The following IQSEC1 variants were observed in gnomAD, a reference collection of about 807,000 sequenced individuals.
The protein encoded by IQSEC1 is IQ motif and SEC7 domain-containing protein 1.
Under a neutral mutation model 91.0 loss-of-function variants are expected in IQSEC1, and 31 were observed. The observed-to-expected ratio is 0.34, with a 90% CI of 0.26 to 0.46. The LOEUF (loss-of-function observed/expected upper bound fraction) is 0.46. IQSEC1 is among the 20% of genes least tolerant of loss of function. IQSEC1 has a pLI of 1.00. For missense variants in IQSEC1, 1,388 were observed against 1,575.6 expected (o/e 0.88, Z 2.02); for synonymous variants, 699 against 662.6 (o/e 1.05, Z -0.84).
intron 2 of IQSEC1, among the ~76,000 whole-genome samples, chr3:13,119,232 A>G (rs1033983735): frequency 2.0e-5 from 3 of 152,334 alleles, no homozygotes. Context: ...AAGAATTTAA[A>G]AAGCATATGC....
chr3:12,934,953 C>T (rs192771509), intron 3 of IQSEC1, among the ~76,000 whole-genome samples: 226 of 151,834 alleles, frequency 1.5e-3, no homozygotes, highest in African/African-American at 5.0e-3. Flanking sequence ...CTGAGCACTC[C>T]TACCCCCAGA....
intron 1 of IQSEC1, among the ~76,000 whole-genome samples, chr3:13,212,904 T>C (rs1694473493): frequency 6.6e-6 from 1 of 152,250 alleles, no homozygotes; most frequent in Non-Finnish European, 1.5e-5. Flanking sequence ...AGTTGAGTTG[T>C]CTTTTTGTTA....
At chr3:13,125,215 C>T (rs1475933649) in intron 2 of IQSEC1, among the ~76,000 whole-genome samples, 2 of 152,218 alleles carry the variant, frequency 1.3e-5, no homozygotes, top group African/African-American at 4.8e-5. Flanking sequence ...GGGGCCTTTG[C>T]TCCTGCTAGT....
In IQSEC1 at chr3:12,989,004, G is replaced by A. The variant is rs564584635; in HGVS notation, c.24-47139C>T. Among the ~76,000 whole-genome samples the A allele has an allele frequency of 3.9e-5, 6 of 152,294 alleles. No individual in the cohort carries two copies. The South Asian group carries it at 1.2e-3, about 32-fold the overall frequency. ...TGCAAAGCAAGTTAGAAGCCAGCAG[G>A]GCCAAGACTAGAATCTAGGTTAGGC... On this transcript the variant is annotated intron_variant, in intron 1 of 13. Coordinates refer to ENST00000613206, the MANE Select transcript of IQSEC1 (RefSeq NM_001134382.3).
At chr3:12,907,065 T>C (rs967990937) in intron 12 of IQSEC1, among the ~76,000 whole-genome samples, 11 of 152,276 alleles carry the variant, frequency 7.2e-5, no homozygotes, top group African/African-American at 2.6e-4. Context: ...AGGCCAGGAA[T>C]GCGAGTAAAC....
At chr3:13,143,102 C>T (rs886467621) in intron 2 of IQSEC1, among the ~76,000 whole-genome samples, 2 of 152,230 alleles carry the variant, frequency 1.3e-5, no homozygotes, top group Admixed American at 6.5e-5. Flanking sequence ...AATTGGTCTT[C>T]GATGTGTCTG....
intron 9 of IQSEC1, 36 bp downstream of exon 9, chr3:12,913,392 G>A (rs1695753221): frequency 6.4e-7 from 1 of 1,558,618 alleles, no homozygotes; most frequent in South Asian, 1.1e-5. Flanking sequence ...CAGGCTTGAG[G>A]TCCCTGCTAC....
chr3:13,065,997 T>C (rs1208829035), intron 1 of IQSEC1, among the ~76,000 whole-genome samples: 1 of 152,142 alleles, frequency 6.6e-6, no homozygotes, highest in Non-Finnish European at 1.5e-5. Context: ...ACAAATGCTG[T>C]CTGATTCCAC....
chr3:12,927,267 A>G (rs1158681845), intron 3 of IQSEC1, among the ~76,000 whole-genome samples: 1 of 152,220 alleles, frequency 6.6e-6, no homozygotes, highest in Admixed American at 6.5e-5. Flanking sequence ...TGCACAAAAA[A>G]TCTGGATTTC....
chr3:13,235,004 C>A (rs1314491603), intron 1 of IQSEC1, among the ~76,000 whole-genome samples: 1 of 152,150 alleles, frequency 6.6e-6, no homozygotes, highest in African/African-American at 2.4e-5. Context: ...ATGTGTGGAG[C>A]CGGGGCATGG....
rs532180992 is a variant in IQSEC1 at position 13,018,728 on chromosome 3, CG to C, written c.23+54263del. 2.2e-4 allele frequency among the ~76,000 whole-genome samples: 33 copies of C among 152,276 alleles called. No individual in the cohort carries two copies. The South Asian group carries it at 5.4e-3, about 25-fold the overall frequency. On this transcript the variant is annotated intron_variant, in intron 1 of 13. Coordinates refer to ENST00000613206, the MANE Select transcript of IQSEC1 (RefSeq NM_001134382.3). ...TGTATCCCCACACGCATCTCACAGGCGGGGAAACAGGGGCTCAGGGAGGCTG... is the reference window on the plus strand; with the variant it reads ...TGTATCCCCACACGCATCTCACAGGCGGGAAACAGGGGCTCAGGGAGGCTG...
chr3:13,163,736 G>GC (rs1693398938), intron 2 of IQSEC1, among the ~76,000 whole-genome samples: 1 of 142,888 alleles, frequency 7.0e-6, no homozygotes, highest in African/African-American at 2.5e-5. Context: ...CCCTGACCCC[G>GC]CCCAGCCCAG....
Position 12,899,518 on chromosome 3 carries a change from A to G in IQSEC1, c.*1465T>C. On this transcript the variant is annotated 3_prime_UTR_variant, in exon 14 of 14. Coordinates refer to ENST00000613206, the MANE Select transcript of IQSEC1 (RefSeq NM_001134382.3). ...CTGGGGAGCGCATGGTGTCACCACA[A>G]CACAGAAGCGACAAGAGCACAGCTG... The G allele has an allele frequency of 6.5e-7, 1 of 1,544,178 alleles. No individual in the cohort carries two copies. The highest frequency in any genetic ancestry group is 8.8e-7 in the Non-Finnish European group (1 of 1,139,474).
intron 1 of IQSEC1, among the ~76,000 whole-genome samples, chr3:13,266,185 T>C (rs370364734): frequency 5.9e-5 from 9 of 152,134 alleles, no homozygotes; most frequent in Non-Finnish European, 1.2e-4. Flanking sequence ...GGAGCCAGTA[T>C]CCAAACCCAG....
chr3:13,097,969 C>A (rs754272907), intron 2 of IQSEC1, among the ~76,000 whole-genome samples: 111 of 152,346 alleles, frequency 7.3e-4, no homozygotes, highest in Non-Finnish European at 1.5e-3. Flanking sequence ...GCAGCCTCAG[C>A]CCACTGTGCC....
intron 1 of IQSEC1, among the ~76,000 whole-genome samples, chr3:13,199,658 T>C (rs1214454159): frequency 6.6e-6 from 1 of 152,106 alleles, no homozygotes; most frequent in Non-Finnish European, 1.5e-5. Context: ...CCATATAGGC[T>C]TCCTGCGCCA....
chr3:13,126,109 T>A (rs1706508772), intron 2 of IQSEC1, among the ~76,000 whole-genome samples: 1 of 152,232 alleles, frequency 6.6e-6, no homozygotes, highest in Non-Finnish European at 1.5e-5. Context: ...ATATTAAAAG[T>A]GTACAATTTA....
intron 1 of IQSEC1, among the ~76,000 whole-genome samples, chr3:13,209,726 G>T (rs566470034): frequency 1.3e-5 from 2 of 152,348 alleles, no homozygotes; most frequent in Admixed American, 6.5e-5. Flanking sequence ...TAAGTCCACA[G>T]CTCCTTCCTC....
At chr3:13,054,295 T>C (rs984346078) in intron 1 of IQSEC1, among the ~76,000 whole-genome samples, 1 of 152,150 alleles carries the variant, frequency 6.6e-6, no homozygotes, top group African/African-American at 2.4e-5. Flanking sequence ...CACCCAGAGA[T>C]GGGACCAACA....
Sources: gnomAD v4.1 joint callset for allele counts (sites outside exome capture counted in the v4.1 genomes callset) on GRCh38, gnomAD v4.1.1 for gene constraint, MANE v1.5 for transcripts, NCBI Gene and HGNC (gene_info 2026-07-23, HGNC 2026-07-21) for gene names.